Variants in SESN1 observed in about 807,000 individuals in gnomAD.
The protein encoded by SESN1 is sestrin-1.
A neutral mutation model predicts 59.3 loss-of-function variants in SESN1; 30 were observed. The observed-to-expected ratio is 0.51, with a 90% CI of 0.38 to 0.69. The LOEUF is 0.69. Among genes scored for constraint, SESN1 ranks in the 30% least tolerant of loss-of-function variants. The probability of loss-of-function intolerance (pLI) is 0.00; values close to 1 mark genes in which losing one functional copy is unlikely to be tolerated. For missense variants in SESN1, 566 were observed against 673.0 expected, an observed-to-expected ratio of 0.84 and a Z score of 1.76; for synonymous variants, 197 against 219.9, an observed-to-expected ratio of 0.90 and a Z score of 0.92.
chr6:108,998,613 G>A lies in SESN1; in HGVS notation c.872C>T (p.Thr291Ile), dbSNP rs779744842. The A allele has an allele frequency of 3.1e-6, 5 of 1,613,824 alleles. No homozygotes were observed. The highest frequency in any genetic ancestry group is 2.2e-5 in the East Asian group (1 of 44,882). The stretch of plus-strand genomic sequence containing the variant: ...GTTGCTAACAGAAGGAGGTCTGAAT[G>A]TGTGGCCACCATCACAATGAATTTC... ...SPEIHCDGGH[T>I]FRPPSVSNYC... The change falls in exon 5 of 10, where the codon ACA (threonine) becomes ATA (isoleucine). Residue 291 changes from threonine (T) to isoleucine (I), a missense_variant. Coordinates refer to ENST00000436639, the MANE Select transcript of SESN1 (RefSeq NM_014454.3).
chr6:109,063,784 C>T (rs1313059062), intron 1 of SESN1, among the ~76,000 whole-genome samples: 1 of 151,766 alleles, frequency 6.6e-6, no homozygotes, highest in Non-Finnish European at 1.5e-5. Flanking sequence ...TAACCATTTA[C>T]ATATAAAGCT....
At chr6:109,037,586 T>C (rs1780268868) in intron 1 of SESN1, among the ~76,000 whole-genome samples, 1 of 152,162 alleles carries the variant, frequency 6.6e-6, no homozygotes, top group Non-Finnish European at 1.5e-5. Context: ...TAGAATAGAT[T>C]TGGAGCATCT....
intron 1 of SESN1, among the ~76,000 whole-genome samples, chr6:109,045,964 A>C (rs1482902755): frequency 6.6e-6 from 1 of 152,236 alleles, no homozygotes; most frequent in Non-Finnish European, 1.5e-5. Flanking sequence ...GGCTGAAAAA[A>C]GCGTATTCTG....
At position 108,993,432 on chromosome 6, in the gene SESN1, G is replaced by A. The variant is rs529912052; in HGVS notation, c.1121-533C>T. Among the ~76,000 whole-genome samples the A allele has an allele frequency of 3.1e-4, 47 of 152,198 alleles. 2 individuals carry two copies. The East Asian group carries it at 8.7e-3, about 28-fold the overall frequency. On this transcript the variant is annotated intron_variant, in intron 6 of 9. Transcript: ENST00000436639. ...GATGAGATTATAGTTTCATGTAAGT[G>A]TATCATTAGATGACAACTCTACATC...
intron 1 of SESN1, among the ~76,000 whole-genome samples, chr6:109,039,048 GAGA>G (rs1780295164): frequency 6.8e-6 from 1 of 146,978 alleles, no homozygotes; most frequent in African/African-American, 2.5e-5. Context: ...AAGAAGGAGG[GAGA>G]AGGAGAACAA....
chr6:109,011,029 G>T (rs1410437530), intron 1 of SESN1, among the ~76,000 whole-genome samples: 1 of 152,206 alleles, frequency 6.6e-6, no homozygotes, highest in East Asian at 1.9e-4. Context: ...GATGACTCTG[G>T]TTCTAGAAGA....
chr6:109,074,830 C>T (rs1180531230), intron 1 of SESN1, among the ~76,000 whole-genome samples: 1 of 152,224 alleles, frequency 6.6e-6, no homozygotes, highest in Non-Finnish European at 1.5e-5. Flanking sequence ...AAGCTGACTG[C>T]CATTTCCTAC....
chr6:109,014,009 T>C (rs1779898160), intron 1 of SESN1, among the ~76,000 whole-genome samples: 1 of 152,048 alleles, frequency 6.6e-6, no homozygotes, highest in Non-Finnish European at 1.5e-5. Flanking sequence ...CTCTATACTT[T>C]TTTTTTTTTT....
At chr6:109,048,907 G>A (rs971207613) in intron 1 of SESN1, among the ~76,000 whole-genome samples, 35 of 152,074 alleles carry the variant, frequency 2.3e-4, no homozygotes, top group African/African-American at 6.3e-4. Context: ...AAAAAGTGAC[G>A]GGATGAGTAC....
intron 1 of SESN1, among the ~76,000 whole-genome samples, chr6:109,044,246 C>T (rs887156996): frequency 2.2e-5 from 3 of 137,924 alleles, no homozygotes; most frequent in African/African-American, 8.4e-5. Flanking sequence ...GCCAAGGATA[C>T]CAGGGCAGTG....
chr6:109,011,623 AT>A (rs954867578), intron 1 of SESN1, among the ~76,000 whole-genome samples: 16 of 149,022 alleles, frequency 1.1e-4, no homozygotes, highest in Middle Eastern at 6.9e-3. Context: ...TATTTTTAAA[AT>A]TTTTTTTCTT....
Position 109,001,340 on chromosome 6 carries a change from A to G in SESN1, c.494T>C (p.Leu165Pro). The G allele has an allele frequency of 6.2e-7, 1 of 1,613,898 alleles. No individual in the cohort carries two copies. Among genetic ancestry groups the G allele is most frequent in the Non-Finnish European group, 8.5e-7 (1 of 1,179,794 alleles). ...ESFLKTQHYL[L>P]QMDGPLPLHY... is the part of the protein sequence containing the mutation. Reference sequence around the variant, plus strand: ...TAGGGGTAACGGCCCATCCATTTGCAGTAGATAGTGCTGAGTTTTTAAGAA... The same window carrying G: ...TAGGGGTAACGGCCCATCCATTTGCGGTAGATAGTGCTGAGTTTTTAAGAA... The change falls in exon 3 of 10, where the codon CTG becomes CCG. Residue 165 changes from leucine to proline, a missense_variant. Physicochemically the swap from Leu to Pro is moderately conservative, Grantham distance 98 (BLOSUM62 -3). Transcript: ENST00000436639.
chr6:109,035,021 T>G (rs1281725583), intron 1 of SESN1, among the ~76,000 whole-genome samples: 1 of 152,232 alleles, frequency 6.6e-6, no homozygotes, highest in Non-Finnish European at 1.5e-5. Context: ...ACTTATTTTC[T>G]TAATAGGTTT....
intron 1 of SESN1, among the ~76,000 whole-genome samples, chr6:109,029,395 A>C: frequency 6.6e-6 from 1 of 152,226 alleles, no homozygotes; most frequent in Non-Finnish European, 1.5e-5. Flanking sequence ...GAGAAGCAGG[A>C]ATGATTTTGC....
At chr6:109,042,148 T>C (rs777238695) in intron 1 of SESN1, among the ~76,000 whole-genome samples, 19 of 151,904 alleles carry the variant, frequency 1.3e-4, no homozygotes, top group Admixed American at 5.9e-4. Context: ...AAAAAATATA[T>C]TGAATAGGAT....
chr6:109,002,246 C>G, intron 2 of SESN1, 32 bp downstream of exon 2: 7 of 1,586,976 alleles, frequency 4.4e-6, no homozygotes, highest in Non-Finnish European at 6.1e-6. Context: ...TAAAAGCATA[C>G]AGTTCACTAT....
At chr6:109,028,002 T>C (rs1254197717) in intron 1 of SESN1, among the ~76,000 whole-genome samples, 1 of 152,094 alleles carries the variant, frequency 6.6e-6, no homozygotes, top group Non-Finnish European at 1.5e-5. Flanking sequence ...TATTTCAGTC[T>C]GTGGCTTGCC....
At chr6:109,028,827 T>C (rs999965090) in intron 1 of SESN1, among the ~76,000 whole-genome samples, 1 of 152,020 alleles carries the variant, frequency 6.6e-6, no homozygotes, top group African/African-American at 2.4e-5. Flanking sequence ...CCTCCTAGTA[T>C]CAGAAAAGAA....
intron 1 of SESN1, among the ~76,000 whole-genome samples, chr6:109,064,856 T>C (rs1780796611): frequency 6.6e-6 from 1 of 152,076 alleles, no homozygotes; most frequent in African/African-American, 2.4e-5. Context: ...TCTCTACATA[T>C]GTAACAGAGG....
Sources: allele counts gnomAD v4.1 joint callset (sites outside exome capture counted in the v4.1 genomes callset), GRCh38; gene constraint gnomAD v4.1.1; transcripts MANE v1.5; gene names NCBI Gene and HGNC (gene_info 2026-07-23, HGNC 2026-07-21).